INTS12: variants seen among roughly 807,000 people sequenced by gnomAD.
The protein encoded by INTS12 is PHD finger protein 22.
INTS12 carries 13 observed loss-of-function variants against 41.6 expected under a neutral mutation model. The ratio of observed to expected loss-of-function variants is 0.31; its 90% CI spans 0.20 to 0.50. The LOEUF (loss-of-function observed/expected upper bound fraction) is 0.50. Ranked by LOEUF, INTS12 falls within the 20% of genes least tolerant of loss-of-function variation. The pLI, the probability that INTS12 is intolerant of heterozygous loss-of-function variation, is 0.98. For synonymous variants in INTS12, 199 were observed against 191.4 expected (o/e 1.04, Z -0.33); for missense variants, 432 against 541.6 (o/e 0.80, Z 2.01).
rs1033259976 is a variant in INTS12, at chr4:105,703,041, T to C, written c.-10+607A>G. ...GTGTTGATCTACACATACAAAAATA[T>C]TTTCCTGGAGTTACACCAAATCATG... On this transcript the variant is annotated intron_variant, in intron 2 of 7. Coordinates refer to ENST00000340139, the MANE Select transcript of INTS12 (RefSeq NM_020395.4). 9 of 984,312 alleles carry C rather than the reference T, an allele frequency of 9.1e-6. 1 individual carries two copies. In the Admixed American group the frequency reaches 2.5e-4, roughly 27 times the overall value. The allele number at this position is 984,312 out of a possible 1,614,324, so 61.0% of individuals were successfully genotyped here.
chr4:105,707,645 A>G (rs891948489), intron 1 of INTS12, among the ~76,000 whole-genome samples: 2 of 152,210 alleles, frequency 1.3e-5, no homozygotes, highest in African/African-American at 4.8e-5. Flanking sequence ...CAATGTTCCT[A>G]TCTGTAAAAT....
intron 2 of INTS12, among the ~76,000 whole-genome samples, chr4:105,700,736 C>CACACACACACACACAG: frequency 6.6e-6 from 1 of 151,638 alleles, no homozygotes; most frequent in Non-Finnish European, 1.5e-5. Context: ...CACACACACA[C>CACACACACACACACAG]ACACACACAG....
intron 1 of INTS12, among the ~76,000 whole-genome samples, chr4:105,704,951 AC>A (rs1301657107): frequency 6.6e-6 from 1 of 152,188 alleles, no homozygotes; most frequent in Non-Finnish European, 1.5e-5. Context: ...TCAGTCTCCC[AC>A]AATCACTCTT....
intron 6 of INTS12, among the ~76,000 whole-genome samples, chr4:105,689,428 C>G (rs1422544382): frequency 1.3e-5 from 2 of 152,232 alleles, no homozygotes; most frequent in Non-Finnish European, 2.9e-5. Flanking sequence ...CCAAAATTAT[C>G]TCATTAAACC....
chr4:105,684,148 A>T (rs953344308), intron 7 of INTS12, among the ~76,000 whole-genome samples: 5 of 152,146 alleles, frequency 3.3e-5, no homozygotes, highest in Non-Finnish European at 7.4e-5. Context: ...TCTCTGATTA[A>T]CTTTCCTGGC....
At chr4:105,687,967 C>G (rs1300613126) in intron 6 of INTS12, among the ~76,000 whole-genome samples, 1 of 151,630 alleles carries the variant, frequency 6.6e-6, no homozygotes, top group East Asian at 2.0e-4. Flanking sequence ...AAAACAACAA[C>G]AGAAAAAAAA....
chr4:105,693,302 C>T lies in INTS12; in HGVS notation c.494G>A (p.Cys165Tyr). 1 of 1,585,148 alleles carries T rather than the reference C, an allele frequency of 6.3e-7. No homozygotes were observed. Among genetic ancestry groups the T allele is most frequent in the South Asian group, 1.1e-5 (1 of 87,092 alleles). Residue 165 changes from cysteine (C) to tyrosine (Y), a missense_variant, in exon 5 of 8, where the codon TGT (cysteine) becomes TAT (tyrosine). Cys to Tyr is a radical substitution (Grantham distance 194, BLOSUM62 -2). Around this residue, in one of 3 missense-constraint regions of INTS12, gnomAD observed 168 missense variants for 198.9 expected, o/e 0.84. Transcript: ENST00000340139. ...AMEMGLACVV[C>Y]RQMMVASGNQ... ...TCTGTGGCAAGGTACAACTTACCTA[C>T]AAACAACGCAGGCCAATCCCATCTC...
At chr4:105,693,235 G>A in intron 5 of INTS12, 64 bp downstream of exon 5, 2 of 1,287,044 alleles carry the variant, frequency 1.6e-6, no homozygotes, top group Non-Finnish European at 2.1e-6. Flanking sequence ...GGGGGTTGAG[G>A]AGTGGAAAGG....
At chr4:105,689,913 GA>G (rs1227296155) in intron 6 of INTS12, among the ~76,000 whole-genome samples, 2 of 151,972 alleles carry the variant, frequency 1.3e-5, no homozygotes, top group South Asian at 4.2e-4. Context: ...CTCAGAAAAA[GA>G]AAAAAATTAC....
intron 2 of INTS12, chr4:105,702,880 T>A (rs1471792901): frequency 4.1e-6 from 4 of 983,438 alleles, no homozygotes; most frequent in Non-Finnish European, 4.8e-6. Context: ...TAGTTTTCTA[T>A]CTTACCTTTA....
At chr4:105,708,166 G>T (rs1418888377) in intron 1 of INTS12, 2 of 985,318 alleles carry the variant, frequency 2.0e-6, no homozygotes, top group Non-Finnish European at 2.4e-6. Context: ...GGGACACCTG[G>T]AATCGCAGGA....
intron 2 of INTS12, 168 bp from the exon 3 acceptor site, chr4:105,700,182 T>A (rs1422240471): frequency 2.6e-6 from 1 of 389,358 alleles, no homozygotes; most frequent in African/African-American, 2.1e-5. Context: ...TTCTTATTCC[T>A]GACAGGCATT....
chr4:105,691,437 A>G (rs1731679360), intron 6 of INTS12, among the ~76,000 whole-genome samples: 1 of 152,234 alleles, frequency 6.6e-6, no homozygotes, highest in Non-Finnish European at 1.5e-5. Flanking sequence ...GTCAACAGTA[A>G]AAAGAGAAAG....
At chr4:105,688,403 T>C (rs1006091128) in intron 6 of INTS12, among the ~76,000 whole-genome samples, 3 of 152,232 alleles carry the variant, frequency 2.0e-5, no homozygotes, top group South Asian at 4.1e-4. Context: ...CTGTTTGCCA[T>C]ACTATATAGT....
In INTS12 at chr4:105,693,479, G is replaced by C; in HGVS notation, c.317C>G (p.Ser106Ter). ...AEKRPADKMK[S>*]DITEGVDIPK... Reference sequence around the variant, plus strand: ...AATATCAACTCCTTCAGTGATGTCTGATTTCATCTATAAAAAGCAGGCATC... The same window carrying C: ...AATATCAACTCCTTCAGTGATGTCTCATTTCATCTATAAAAAGCAGGCATC... The change falls in exon 5 of 8, where the codon TCA becomes TGA. Residue 106 changes from serine to a stop codon, truncating the protein, a stop_gained. Coordinates refer to ENST00000340139, the MANE Select transcript of INTS12 (RefSeq NM_020395.4). LOFTEE classifies it high-confidence loss of function. The C allele has an allele frequency of 6.2e-7, 1 of 1,607,372 alleles. No homozygotes were observed. Among genetic ancestry groups the C allele is most frequent in the Non-Finnish European group, 8.5e-7 (1 of 1,174,748 alleles).
intron 6 of INTS12, among the ~76,000 whole-genome samples, chr4:105,689,887 C>T (rs1046713537): frequency 1.3e-5 from 2 of 152,160 alleles, no homozygotes; most frequent in Admixed American, 1.3e-4. Context: ...GCCTAGAAAA[C>T]AGAGTGAGAC....
intron 6 of INTS12, among the ~76,000 whole-genome samples, chr4:105,687,389 A>G (rs1041624595): frequency 3.5e-4 from 54 of 152,208 alleles, no homozygotes; most frequent in African/African-American, 1.2e-3. Flanking sequence ...ATCTTTAGAG[A>G]AAGTTAATAA....
chr4:105,699,812 T>C (rs750799254), intron 3 of INTS12, 38 bp downstream of exon 3: 4 of 1,439,166 alleles, frequency 2.8e-6, no homozygotes, highest in Middle Eastern at 1.9e-4. Flanking sequence ...CTACAGGCCT[T>C]ACAAAACTCT....
In INTS12 at chr4:105,682,896, G is replaced by A; in HGVS notation, c.1226C>T (p.Thr409Ile). The A allele has an allele frequency of 1.2e-6, 2 of 1,614,086 alleles. No homozygotes were observed. The highest frequency in any genetic ancestry group is 8.5e-7 in the Non-Finnish European group (1 of 1,179,958). Residue 409 changes from threonine (T) to isoleucine (I), a missense_variant, in exon 8 of 8, where the codon ACA becomes ATA. Physicochemically the swap from Thr to Ile is moderately conservative, Grantham distance 89. Transcript: ENST00000340139. ...SQLSGNGNSGTSGPSGSTTSK... is the reference protein window; with the variant it reads ...SQLSGNGNSGISGPSGSTTSK... ...GGTAGTACTTCCACTAGGTCCTGAT[G>A]TTCCACTATTTCCATTCCCACTTAG...
Sources: allele counts gnomAD v4.1 joint callset (sites outside exome capture counted in the v4.1 genomes callset), GRCh38; gene constraint gnomAD v4.1.1; regional missense constraint gnomAD v4.1.1; transcripts MANE v1.5; gene names NCBI Gene and HGNC (gene_info 2026-07-23, HGNC 2026-07-21).